The following CENPP variants were observed in gnomAD, a reference collection of about 807,000 sequenced individuals.
CENPP encodes centromere protein P.
Under a neutral mutation model 35.6 loss-of-function variants are expected in CENPP, and 24 were observed. The ratio of observed to expected loss-of-function variants is 0.67; its 90% CI spans 0.49 to 0.95. CENPP has a LOEUF of 0.95. CENPP is among the 40% of genes least tolerant of loss of function. The probability of loss-of-function intolerance (pLI) is 0.00; values close to 1 mark genes in which losing one functional copy is unlikely to be tolerated. For missense variants in CENPP, 332 were observed against 345.3 expected, an observed-to-expected ratio of 0.96 and a Z score of 0.31; for synonymous variants, 120 against 125.5, an observed-to-expected ratio of 0.96 and a Z score of 0.29.
In CENPP at chr9:92,619,892, G is replaced by A. The variant is rs1357944713; in HGVS notation, c.*6743G>A. 2.8e-6 allele frequency: 1 copy of A among 357,778 alleles called. No individual in the cohort carries two copies. The highest frequency in any genetic ancestry group is 5.4e-6 in the Non-Finnish European group (1 of 186,906). 22.2% of individuals were successfully genotyped at this position (357,778 alleles called of 1,614,324 possible). On this transcript the variant is annotated 3_prime_UTR_variant, in exon 8 of 8. Transcript: ENST00000375587. ...CCACAGTCGGCCTTTGGAAGGAAAA[G>A]CAGTAAGCCACCTGAGCCCCGCATG...
chr9:92,507,407 CTG>C (rs960930208), intron 5 of CENPP, among the ~76,000 whole-genome samples: 3 of 152,112 alleles, frequency 2.0e-5, no homozygotes, highest in South Asian at 4.1e-4. Context: ...CATTACATGA[CTG>C]AGAGAAAAAG....
chr9:92,552,022 A>C (rs1849614457), intron 5 of CENPP, among the ~76,000 whole-genome samples: 1 of 138,966 alleles, frequency 7.2e-6, no homozygotes, highest in Non-Finnish European at 1.5e-5. Context: ...ATGATATGAT[A>C]GATCTATCAT....
At chr9:92,338,646 G>T (rs760924691) in intron 3 of CENPP, among the ~76,000 whole-genome samples, 1 of 151,616 alleles carries the variant, frequency 6.6e-6, no homozygotes, top group Non-Finnish European at 1.5e-5. Context: ...GTCTGCAGTT[G>T]GTCAATCTAT....
chr9:92,467,293 G>A (rs1254147763), intron 5 of CENPP, among the ~76,000 whole-genome samples: 1 of 152,188 alleles, frequency 6.6e-6, no homozygotes, highest in Non-Finnish European at 1.5e-5. Flanking sequence ...ATGGCTGCTT[G>A]GGTGACCAGC....
rs374645085 is a variant in CENPP, at chr9:92,580,739, T to C, written c.565-30575T>C. 7.9e-5 allele frequency among the ~76,000 whole-genome samples: 12 copies of C among 152,402 alleles called. No homozygotes were observed. The East Asian group carries it at 2.1e-3, about 27-fold the overall frequency. ...TAGCGGTCTATCAATTTTGTTGATC[T>C]TTTCAAAAAACCAGCTCCTGGATTC... is the stretch of plus-strand genomic sequence containing the variant. On this transcript the variant is annotated intron_variant, in intron 5 of 7. Transcript: ENST00000375587.
chr9:92,384,599 A>G lies in CENPP; in HGVS notation c.564+4740A>G, dbSNP rs1341816148. On this transcript the variant is annotated intron_variant, in intron 5 of 7. Coordinates refer to ENST00000375587, the MANE Select transcript of CENPP (RefSeq NM_001012267.3). ...GAAGATTTAATTCTTGCAGTTAGCCATGTCAGTTTATCATGAGTAATCAGA... is the reference window on the plus strand; with the variant it reads ...GAAGATTTAATTCTTGCAGTTAGCCGTGTCAGTTTATCATGAGTAATCAGA... 5 of 152,144 alleles carry G rather than the reference A, an allele frequency of 3.3e-5. No individual in the cohort carries two copies. In the East Asian group the frequency reaches 7.7e-4, roughly 23 times the overall value. 9.4% of individuals were successfully genotyped at this position (152,144 alleles called of 1,614,324 possible).
chr9:92,473,134 G>C (rs1261796233), intron 5 of CENPP, among the ~76,000 whole-genome samples: 1 of 152,134 alleles, frequency 6.6e-6, no homozygotes, highest in Non-Finnish European at 1.5e-5. Flanking sequence ...GTGTGTGATG[G>C]GAACACCAGC....
intron 5 of CENPP, chr9:92,494,223 G>C (rs1846253071): frequency 2.7e-6 from 4 of 1,490,524 alleles, no homozygotes; most frequent in Non-Finnish European, 3.7e-6. Context: ...CAAGATGCTA[G>C]TTCTGCTGAC....
chr9:92,480,881 T>A (rs1431514966), intron 5 of CENPP, among the ~76,000 whole-genome samples: 1 of 122,834 alleles, frequency 8.1e-6, no homozygotes, highest in Non-Finnish European at 1.6e-5. Context: ...AACAAATGAG[T>A]TAAAAGTCCA....
chr9:92,501,110 CT>C lies in CENPP; in HGVS notation c.565-110203del. ...GACATCAGGATGGTGATCATCAGCT[CT>C]AAATTTTGATAAGGCCAGTCTCGAT... On this transcript the variant is annotated intron_variant, in intron 5 of 7. Transcript: ENST00000375587. 1.3e-6 allele frequency: 2 copies of C among 1,548,144 alleles called. 1 individual carries two copies. Among genetic ancestry groups the C allele is most frequent in the South Asian group, 2.4e-5 (2 of 84,780 alleles).
At chr9:92,575,462 A>T (rs1341589302) in intron 5 of CENPP, among the ~76,000 whole-genome samples, 2 of 152,214 alleles carry the variant, frequency 1.3e-5, no homozygotes, top group Non-Finnish European at 2.9e-5. Context: ...AACATCACTA[A>T]TCATTAGGGA....
At chr9:92,465,507 T>C (rs1845271652) in intron 5 of CENPP, among the ~76,000 whole-genome samples, 1 of 152,188 alleles carries the variant, frequency 6.6e-6, no homozygotes, top group Admixed American at 6.6e-5. Flanking sequence ...AGGCACTTGG[T>C]TGAATTAAAT....
chr9:92,352,810 T>A (rs1158151491), intron 4 of CENPP, among the ~76,000 whole-genome samples: 1 of 151,742 alleles, frequency 6.6e-6, no homozygotes, highest in Non-Finnish European at 1.5e-5. Flanking sequence ...GAGTCTGCCT[T>A]CTCCAGCCCA....
chr9:92,538,676 A>G (rs575830834), intron 5 of CENPP, among the ~76,000 whole-genome samples: 112 of 152,318 alleles, frequency 7.4e-4, no homozygotes, highest in Middle Eastern at 3.4e-3. Context: ...TTTTAACCAC[A>G]CTAGCACATG....
intron 5 of CENPP, among the ~76,000 whole-genome samples, chr9:92,428,116 C>T (rs924548635): frequency 6.6e-6 from 1 of 152,200 alleles, no homozygotes; most frequent in Non-Finnish European, 1.5e-5. Context: ...ACATTAATTG[C>T]AGTCAGTCTC....
At chr9:92,365,067 T>C (rs1379796554) in intron 4 of CENPP, among the ~76,000 whole-genome samples, 2 of 152,214 alleles carry the variant, frequency 1.3e-5, no homozygotes, top group African/African-American at 4.8e-5. Context: ...GTCGTTGTGC[T>C]TAATATGTAG....
chr9:92,472,760 G>C (rs1428189753), intron 5 of CENPP, among the ~76,000 whole-genome samples: 1 of 152,096 alleles, frequency 6.6e-6, no homozygotes, highest in African/African-American at 2.4e-5. Context: ...AGCAAGGTAG[G>C]GTGCAGTTTT....
intron 4 of CENPP, among the ~76,000 whole-genome samples, chr9:92,359,767 C>T (rs1841692876): frequency 6.6e-6 from 1 of 151,126 alleles, no homozygotes; most frequent in Non-Finnish European, 1.5e-5. Flanking sequence ...AACACAGATC[C>T]TTTATGGCTG....
chr9:92,552,216 C>CACACACACACA (rs1554686431), intron 5 of CENPP, among the ~76,000 whole-genome samples: 1 of 146,652 alleles, frequency 6.8e-6, no homozygotes, highest in African/African-American at 2.6e-5. Context: ...CACACACACA[C>CACACACACACA]CCCACAGTTT....
Sources: gnomAD v4.1 joint callset for allele counts (sites outside exome capture counted in the v4.1 genomes callset) on GRCh38, gnomAD v4.1.1 for gene constraint, MANE v1.5 for transcripts, NCBI Gene and HGNC (gene_info 2026-07-23, HGNC 2026-07-21) for gene names.